The following SIK3 variants were observed in gnomAD, a reference collection of about 807,000 sequenced individuals.
SIK3 encodes SIK family kinase 3.
A neutral mutation model predicts 144.2 loss-of-function variants in SIK3; 28 were observed. The observed-to-expected ratio is 0.19, with a 90% CI of 0.14 to 0.27. SIK3 has a LOEUF of 0.27. SIK3 is among the 10% of genes least tolerant of loss of function. The probability of loss-of-function intolerance (pLI) is 1.00; values close to 1 mark genes in which losing one functional copy is unlikely to be tolerated. For missense variants in SIK3, 1,319 were observed against 1,776.0 expected, an observed-to-expected ratio of 0.74 and a Z score of 4.62; for synonymous variants, 686 against 676.3, an observed-to-expected ratio of 1.01 and a Z score of -0.22.
intron 6 of SIK3, among the ~76,000 whole-genome samples, chr11:116,890,136 T>C (rs1281520568): frequency 6.6e-6 from 1 of 152,144 alleles, no homozygotes; most frequent in Non-Finnish European, 1.5e-5. Context: ...AACCAAATGC[T>C]TATTATGGTC....
At chr11:116,900,821 A>C (rs1945694589) in intron 4 of SIK3, among the ~76,000 whole-genome samples, 2 of 151,872 alleles carry the variant, frequency 1.3e-5, no homozygotes, top group South Asian at 4.2e-4. Context: ...ACGCCTCTAC[A>C]TCCCATTACT....
rs541037763 is a variant in SIK3 at position 116,843,716 on chromosome 11, T to C, written c.*1927A>G. 2 of 152,310 alleles carry C rather than the reference T, an allele frequency of 1.3e-5. No individual in the cohort carries two copies. Among genetic ancestry groups the C allele is most frequent in the Admixed American group, 6.5e-5 (1 of 15,284 alleles). The allele number at this position is 152,310 out of a possible 1,614,324, so 9.4% of individuals were successfully genotyped here. A position where few individuals can be genotyped will look rare whatever the true frequency, so the allele number is the denominator to read the frequency against. ...GAGCGCGTGGTGGTGGTAGGGCAGG[T>C]TGGGGGCATAAGAGTTGGAACAAGC... On this transcript the variant is annotated 3_prime_UTR_variant, in exon 25 of 25. Transcript: ENST00000445177.
chr11:116,912,370 G>A (rs73590489), intron 4 of SIK3, among the ~76,000 whole-genome samples: 1,896 of 152,238 alleles, frequency 0.012, 52 homozygotes, highest in African/African-American at 0.043. Context: ...AGAGCAAAAC[G>A]GGCGGCATTA....
chr11:116,889,946 C>A (rs989428974), intron 6 of SIK3, among the ~76,000 whole-genome samples: 6 of 152,122 alleles, frequency 3.9e-5, no homozygotes, highest in Non-Finnish European at 7.4e-5. Context: ...AAGCCCTAAA[C>A]AAATGTAATT....
At position 117,098,399 on chromosome 11, in the gene SIK3, G is replaced by A. The variant is rs1429035830; in HGVS notation, c.17C>T (p.Ala6Val). 8.8e-7 allele frequency: 1 copy of A among 1,139,308 alleles called. No individual in the cohort carries two copies. Among genetic ancestry groups the A allele is most frequent in the African/African-American group, 1.6e-5 (1 of 60,630 alleles). 70.6% of individuals were successfully genotyped at this position (1,139,308 alleles called of 1,614,324 possible). A position where few individuals can be genotyped will look rare whatever the true frequency, so the allele number is the denominator to read the frequency against. MAAAA[A>V]SGAGGAAGAG... ...CCCGGCAGCCCCGCCAGCTCCGCTC[G>A]CCGCCGCCGCCGCCATCTTGTTGTG... The change falls in exon 1 of 25, where the codon GCG becomes GTG. Residue 6 changes from alanine (A) to valine (V), a missense_variant. Ala to Val is a moderately conservative substitution (Grantham distance 64). Around this residue, in one of 8 missense-constraint regions of SIK3, gnomAD observed 114 missense variants for 116.2 expected, o/e 0.98. Transcript: ENST00000445177.
intron 11 of SIK3, among the ~76,000 whole-genome samples, chr11:116,874,768 C>G (rs9919599): frequency 0.85 from 129,727 of 152,198 alleles, 55,990 homozygotes; most frequent in African/African-American, 0.9. Flanking sequence ...GAGAATTCTT[C>G]CCACAACCTT....
rs756309503 is a variant in SIK3, at chr11:116,858,011, C to T, written c.3454G>A (p.Ala1152Thr). The T allele has an allele frequency of 1.9e-6, 3 of 1,613,990 alleles. No homozygotes were observed. Among genetic ancestry groups the T allele is most frequent in the South Asian group, 2.2e-5 (2 of 91,044 alleles). The change falls in exon 21 of 25, where the codon GCC becomes ACC. Residue 1152 changes from alanine to threonine, a missense_variant. This residue lies in a region of SIK3 where 646 missense variants were observed against 763.7 expected (regional missense o/e 0.85). Transcript: ENST00000445177. The surrounding 1 kb of genome is among the most constrained non-coding windows in gnomAD (Gnocchi z 5.4). ...SMEEDCSCEG[A>T]KDGFQDSKSS... ...TTACTGTCTTGGAAGCCATCCTTGG[C>T]CCCCTCACACGAGCAGTCCTCCTCC...
intron 3 of SIK3, among the ~76,000 whole-genome samples, chr11:116,941,420 A>AG (rs1232442305): frequency 1.3e-5 from 2 of 151,758 alleles, no homozygotes; most frequent in East Asian, 3.8e-4. Context: ...AAAAAAAAAA[A>AG]AAAGCCACAA....
chr11:116,847,935 C>T (rs1374474736), intron 22 of SIK3, among the ~76,000 whole-genome samples: 2 of 152,198 alleles, frequency 1.3e-5, no homozygotes, highest in Non-Finnish European at 2.9e-5. Flanking sequence ...AGGACAGCAC[C>T]GTCCAGTCAC....
chr11:117,013,899 AGGGGGGGG>A (rs71037440), intron 1 of SIK3, among the ~76,000 whole-genome samples: 1,557 of 26,656 alleles, frequency 0.058, 160 homozygotes, highest in Middle Eastern at 0.15. Flanking sequence ...CCAGATTCTG[AGGGGGGGG>A]GGGGGAGGGT....
chr11:116,895,817 G>A lies in SIK3; in HGVS notation c.865+436C>T, dbSNP rs76521745. On this transcript the variant is annotated intron_variant, in intron 6 of 24. Coordinates refer to ENST00000445177, the MANE Select transcript of SIK3 (RefSeq NM_001366686.3). ...AAGATGCAAAGCCTACTTTATCCTT[G>A]GCATTTAAAACCACATTGCAATGAG... Among the ~76,000 whole-genome samples, 31 of 152,198 alleles carry A rather than the reference G, an allele frequency of 2.0e-4. No individual in the cohort carries two copies. In the South Asian group the frequency reaches 6.2e-3, roughly 31 times the overall value.
chr11:117,005,518 C>A (rs1229172466), intron 1 of SIK3, among the ~76,000 whole-genome samples: 2 of 151,982 alleles, frequency 1.3e-5, no homozygotes, highest in Non-Finnish European at 2.9e-5. Context: ...GGGTCAGTAA[C>A]CTTCAGACTC....
chr11:117,007,826 G>C (rs1408884908), intron 1 of SIK3, among the ~76,000 whole-genome samples: 4 of 152,140 alleles, frequency 2.6e-5, no homozygotes, highest in Non-Finnish European at 5.9e-5. Flanking sequence ...GCTCATGCCT[G>C]TAATCCCAAC....
intron 14 of SIK3, among the ~76,000 whole-genome samples, chr11:116,868,430 T>C (rs979975441): frequency 3.9e-5 from 6 of 152,198 alleles, no homozygotes; most frequent in African/African-American, 1.2e-4. Context: ...ATCTTTTCCC[T>C]CCAAATTTCC....
At chr11:117,078,890 T>C (rs2136040946) in intron 1 of SIK3, among the ~76,000 whole-genome samples, 1 of 152,150 alleles carries the variant, frequency 6.6e-6, no homozygotes, top group South Asian at 2.1e-4. Flanking sequence ...ATTAGAAAAC[T>C]GTGAGAAAAA....
Position 117,058,482 on chromosome 11 carries a change from T to C in SIK3, c.273+39661A>G, listed in dbSNP as rs557186748. Among the ~76,000 whole-genome samples, 17 of 144,932 alleles carry C rather than the reference T, an allele frequency of 1.2e-4. 1 individual carries two copies. In the East Asian group the frequency reaches 3.4e-3, roughly 29 times the overall value. On this transcript the variant is annotated intron_variant, in intron 1 of 24. Transcript: ENST00000445177. Reference sequence around the variant, plus strand: ...CTGCAGTGAGCCGAGATCACACCACTGCACTCCAGCCCGGGCAACAGAGCG... The same window carrying C: ...CTGCAGTGAGCCGAGATCACACCACCGCACTCCAGCCCGGGCAACAGAGCG...
At chr11:117,062,391 C>G (rs1953835189) in intron 1 of SIK3, among the ~76,000 whole-genome samples, 1 of 152,094 alleles carries the variant, frequency 6.6e-6, no homozygotes, top group South Asian at 2.1e-4. Flanking sequence ...TTGTCCTCCC[C>G]AAATGGGCCA....
At chr11:116,965,529 T>C (rs997593018) in intron 1 of SIK3, among the ~76,000 whole-genome samples, 1 of 151,586 alleles carries the variant, frequency 6.6e-6, no homozygotes, top group East Asian at 1.9e-4. Flanking sequence ...GGGAGATACT[T>C]AGAATGGGAT....
chr11:116,854,529 G>A (rs1014079240), intron 21 of SIK3, among the ~76,000 whole-genome samples: 18 of 152,196 alleles, frequency 1.2e-4, no homozygotes, highest in African/African-American at 4.1e-4. Context: ...TAGTAGAGTA[G>A]AAGCTCCCTG....
Sources: gnomAD v4.1 joint callset for allele counts (sites outside exome capture counted in the v4.1 genomes callset) on GRCh38, gnomAD v4.1.1 for gene constraint, gnomAD v4.1.1 regional missense constraint, Gnocchi (gnomAD v3.1) non-coding constraint, MANE v1.5 for transcripts, NCBI Gene and HGNC (gene_info 2026-07-23, HGNC 2026-07-21) for gene names.